Variants in DLGAP2 observed in about 807,000 individuals in gnomAD.
DLGAP2 encodes the protein DLG associated protein 2.
DLGAP2 carries 26 observed loss-of-function variants against 100.3 expected under a neutral mutation model. That is an observed-to-expected ratio of 0.26 (90% confidence interval 0.19 to 0.36). DLGAP2 has a LOEUF of 0.36. DLGAP2 is among the 10% of genes least tolerant of loss of function. DLGAP2 has a pLI of 1.00. For missense variants in DLGAP2, 1,858 were observed against 1,453.2 expected (o/e 1.28, Z -4.53); for synonymous variants, 886 against 630.1 (o/e 1.41, Z -6.08).
intron 2 of DLGAP2, among the ~76,000 whole-genome samples, chr8:1,212,740 A>G (rs943873269): frequency 6.7e-6 from 1 of 149,254 alleles, no homozygotes; most frequent in African/African-American, 2.5e-5. Flanking sequence ...CCTTTTTGCC[A>G]AGACCTCTCT....
chr8:1,168,295 G>A (rs976266743), intron 2 of DLGAP2, among the ~76,000 whole-genome samples: 6 of 151,714 alleles, frequency 4.0e-5, no homozygotes, highest in Admixed American at 2.6e-4. Flanking sequence ...TGGACATTTG[G>A]GTTGGTTCCA....
In DLGAP2 at chr8:1,260,649, A is replaced by T. The variant is rs552678882; in HGVS notation, c.106+1766A>T. On this transcript the variant is annotated intron_variant, in intron 3 of 14. Transcript: ENST00000637795. ...AAGAAGAGTTTTTTCCCAGTAAATC[A>T]GAATCCATGATGTTTGGAGGCGAGG... 2.9e-4 allele frequency among the ~76,000 whole-genome samples: 40 copies of T among 138,882 alleles called. No homozygotes were observed. In the Middle Eastern group the frequency reaches 0.016, roughly 56 times the overall value. 91.1% of individuals were successfully genotyped at this position (138,882 alleles called of 152,430 possible).
At chr8:1,444,515 A>T (rs528100767) in intron 3 of DLGAP2, among the ~76,000 whole-genome samples, 1 of 152,056 alleles carries the variant, frequency 6.6e-6, no homozygotes, top group Non-Finnish European at 1.5e-5. Flanking sequence ...TGCATTTCTT[A>T]TGGAATTTTT....
chr8:1,624,577 T>C (rs1169536846), intron 6 of DLGAP2, among the ~76,000 whole-genome samples: 1 of 151,870 alleles, frequency 6.6e-6, no homozygotes, highest in African/African-American at 2.4e-5. Flanking sequence ...GCCGCTCTGT[T>C]GAACCCATGC....
intron 1 of DLGAP2, among the ~76,000 whole-genome samples, chr8:896,482 C>T (rs545942728): frequency 3.2e-4 from 48 of 152,172 alleles, no homozygotes; most frequent in Non-Finnish European, 5.0e-4. Context: ...GGTACCCATC[C>T]GACATCTAAA....
intron 2 of DLGAP2, among the ~76,000 whole-genome samples, chr8:1,025,591 G>A (rs1017757153): frequency 9.9e-5 from 15 of 152,160 alleles, no homozygotes; most frequent in African/African-American, 2.4e-4. Flanking sequence ...GAATTCTGCC[G>A]CTCGGTGAGG....
chr8:784,458 T>A (rs1821784115), intron 1 of DLGAP2, among the ~76,000 whole-genome samples: 1 of 152,236 alleles, frequency 6.6e-6, no homozygotes. Context: ...AATAAGAATT[T>A]AAGGACAAAA....
chr8:1,000,977 G>A (rs1800938876), intron 2 of DLGAP2, among the ~76,000 whole-genome samples: 1 of 152,178 alleles, frequency 6.6e-6, no homozygotes, highest in Admixed American at 6.5e-5. Context: ...GTAGGCAGGA[G>A]TGCCGCTCAC....
chr8:1,527,069 C>T (rs532603602), intron 4 of DLGAP2, among the ~76,000 whole-genome samples: 5 of 152,084 alleles, frequency 3.3e-5, no homozygotes, highest in South Asian at 2.1e-4. Flanking sequence ...CTGCGAGCAG[C>T]GGGTGCCATC....
At chr8:1,054,198 A>G (rs1563167129) in intron 2 of DLGAP2, among the ~76,000 whole-genome samples, 3 of 149,314 alleles carry the variant, frequency 2.0e-5, no homozygotes, top group South Asian at 2.1e-4. Flanking sequence ...ACACGCACGC[A>G]CACACAGATC....
intron 2 of DLGAP2, among the ~76,000 whole-genome samples, chr8:928,161 C>T (rs146115015): frequency 0.014 from 2,087 of 152,260 alleles, 40 homozygotes; most frequent in African/African-American, 0.044. Context: ...GTCATAGACA[C>T]GGATGTACTG....
intron 12 of DLGAP2, among the ~76,000 whole-genome samples, chr8:1,681,224 C>G (rs915031862): frequency 6.6e-6 from 1 of 152,184 alleles, no homozygotes; most frequent in African/African-American, 2.4e-5. Flanking sequence ...TTAGCCATTA[C>G]TGTGTTGATA....
chr8:741,284 G>A (rs779771331), intron 1 of DLGAP2, among the ~76,000 whole-genome samples: 1 of 152,192 alleles, frequency 6.6e-6, no homozygotes, highest in Non-Finnish European at 1.5e-5. Context: ...GCATCTACTG[G>A]TAGCCACCTT....
intron 3 of DLGAP2, among the ~76,000 whole-genome samples, chr8:1,290,326 T>C (rs937202741): frequency 3.3e-5 from 5 of 152,242 alleles, no homozygotes; most frequent in African/African-American, 1.2e-4. Flanking sequence ...ACAACACACC[T>C]GCAGTTTGCA....
At chr8:857,304 C>G (rs1437215532) in intron 1 of DLGAP2, among the ~76,000 whole-genome samples, 1 of 152,096 alleles carries the variant, frequency 6.6e-6, no homozygotes, top group Non-Finnish European at 1.5e-5. Context: ...GATATAACAC[C>G]AAATGCATGA....
At chr8:1,629,463 C>G (rs1383637768) in intron 7 of DLGAP2, among the ~76,000 whole-genome samples, 1 of 152,196 alleles carries the variant, frequency 6.6e-6, no homozygotes, top group Admixed American at 6.5e-5. Context: ...CTGATCCTCC[C>G]CAACTAGATA....
intron 3 of DLGAP2, among the ~76,000 whole-genome samples, chr8:1,379,927 G>A (rs959859220): frequency 2.0e-5 from 3 of 148,994 alleles, no homozygotes; most frequent in Admixed American, 2.0e-4. Flanking sequence ...TGATTTTGGG[G>A]TGCCCTCCCT....
chr8:1,292,762 C>T (rs940044685), intron 3 of DLGAP2, among the ~76,000 whole-genome samples: 12 of 152,014 alleles, frequency 7.9e-5, no homozygotes, highest in Admixed American at 7.2e-4. Flanking sequence ...GTTGCTGTCT[C>T]GAGCCTCCCC....
intron 9 of DLGAP2, among the ~76,000 whole-genome samples, chr8:1,669,042 T>G (rs149088954): frequency 6.6e-6 from 1 of 152,200 alleles, no homozygotes; most frequent in Non-Finnish European, 1.5e-5. Flanking sequence ...AGGGTTTCTG[T>G]TGAAGTCTGA....
Sources: allele counts gnomAD v4.1 joint callset (sites outside exome capture counted in the v4.1 genomes callset), GRCh38; gene constraint gnomAD v4.1.1; transcripts MANE v1.5; gene names NCBI Gene and HGNC (gene_info 2026-07-23, HGNC 2026-07-21).